UGCG: variants seen among roughly 807,000 people sequenced by gnomAD.
UGCG encodes the protein UDP-glucose ceramide glucosyltransferase.
In UGCG, 10 loss-of-function variants were observed where a neutral mutation model predicts 49.5. The ratio of observed to expected loss-of-function variants is 0.20; its 90% CI spans 0.12 to 0.34. The LOEUF is 0.34. UGCG is among the 10% of genes least tolerant of loss of function. The probability of loss-of-function intolerance (pLI) is 1.00; values close to 1 mark genes in which losing one functional copy is unlikely to be tolerated. For missense variants in UGCG, 312 were observed against 483.7 expected (o/e 0.65, Z 3.33); for synonymous variants, 182 against 158.2 (o/e 1.15, Z -1.13).
At chr9:111,901,610 C>G (rs752966839) in intron 1 of UGCG, among the ~76,000 whole-genome samples, 2 of 152,072 alleles carry the variant, frequency 1.3e-5, no homozygotes, top group Non-Finnish European at 2.9e-5. Flanking sequence ...ATGGGATGAC[C>G]TGGGCAGCAA....
chr9:111,913,399 A>G (rs952870822), intron 1 of UGCG, among the ~76,000 whole-genome samples: 1 of 149,720 alleles, frequency 6.7e-6, no homozygotes, highest in Non-Finnish European at 1.5e-5. Context: ...CAACAGCCTG[A>G]TGTTAACTGG....
Position 111,918,951 on chromosome 9 carries a change from AC to A in UGCG, c.241-3897del, listed in dbSNP as rs1447097299. ...AAAAAAAAAAACAAAAAACAAAAAA[AC>A]AAAAAAAAACACTTCAAACCTTGCA... On this transcript the variant is annotated intron_variant, in intron 2 of 8. Coordinates refer to ENST00000374279, the MANE Select transcript of UGCG (RefSeq NM_003358.3). Among the ~76,000 whole-genome samples the A allele has an allele frequency of 3.0e-3, 360 of 118,482 alleles. 2 individuals are homozygous for A. The highest frequency in any genetic ancestry group is 0.014 in the African/African-American group (345 of 25,140). The allele number at this position is 118,482 out of a possible 152,430, so 77.7% of individuals were successfully genotyped here.
intron 5 of UGCG, chr9:111,929,109 G>A (rs547393094): frequency 6.5e-6 from 1 of 153,528 alleles, no homozygotes; most frequent in East Asian, 2.0e-4. Context: ...TGGGTGGTGT[G>A]TGTATGCATG....
intron 5 of UGCG, among the ~76,000 whole-genome samples, chr9:111,927,686 C>G (rs370394241): frequency 6.6e-6 from 1 of 151,928 alleles, no homozygotes; most frequent in African/African-American, 2.4e-5. Flanking sequence ...CTCCTGACCT[C>G]GTGATCCACC....
chr9:111,918,958 A>AAC (rs1203378988), intron 2 of UGCG, among the ~76,000 whole-genome samples: 21 of 151,594 alleles, frequency 1.4e-4, no homozygotes, highest in African/African-American at 5.1e-4. Flanking sequence ...AAAACAAAAA[A>AAC]AAACACTTCA....
In UGCG at chr9:111,934,465, A is replaced by G. The variant is rs952254366; in HGVS notation, c.*1468A>G. On this transcript the variant is annotated 3_prime_UTR_variant, in exon 9 of 9. Transcript: ENST00000374279. ...ATTGGATGGCATGTTGTCCACAGGAATGCCTACTGCAGGGCTAACACTGGC... is the reference window on the plus strand; with the variant it reads ...ATTGGATGGCATGTTGTCCACAGGAGTGCCTACTGCAGGGCTAACACTGGC... 1 of 152,168 alleles carries G rather than the reference A, an allele frequency of 6.6e-6. No homozygotes were observed. Among genetic ancestry groups the G allele is most frequent in the African/African-American group, 2.4e-5 (1 of 41,434 alleles). The allele number at this position is 152,168 out of a possible 1,614,324, so 9.4% of individuals were successfully genotyped here.
chr9:111,933,150 T>TG lies in UGCG; in HGVS notation c.*154dup, dbSNP rs1314014795. 1.1e-5 allele frequency: 7 copies of TG among 614,706 alleles called. No homozygotes were observed. Among genetic ancestry groups the TG allele is most frequent in the African/African-American group, 4.3e-5 (2 of 46,636 alleles). The allele number at this position is 614,706 out of a possible 1,614,324, so 38.1% of individuals were successfully genotyped here. A position where few individuals can be genotyped will look rare whatever the true frequency, so the allele number is the denominator to read the frequency against. On this transcript the variant is annotated 3_prime_UTR_variant, in exon 9 of 9. Transcript: ENST00000374279. ...TATTTTTGCATGGCACTTGCATCTG[T>TG]GAAAAAAAAAAAAAACACATCTGTA... is the stretch of plus-strand genomic sequence containing the variant.
chr9:111,926,362 C>T, intron 4 of UGCG, 22 bp from the exon 5 acceptor site: 1 of 1,569,086 alleles, frequency 6.4e-7, no homozygotes, highest in Non-Finnish European at 8.7e-7. Context: ...CTCCCCCTCT[C>T]TGCCTTTTTT....
chr9:111,898,148 T>A (rs770560595), intron 1 of UGCG, among the ~76,000 whole-genome samples: 9 of 151,510 alleles, frequency 5.9e-5, no homozygotes, highest in Non-Finnish European at 8.8e-5. Context: ...AAAATAGAAC[T>A]GGGTGATGGC....
chr9:111,930,420 C>T (rs1469011470), intron 6 of UGCG, among the ~76,000 whole-genome samples: 2 of 151,030 alleles, frequency 1.3e-5, no homozygotes, highest in Non-Finnish European at 2.9e-5. Flanking sequence ...CTGAAAGATT[C>T]ATATGACTGA....
intron 2 of UGCG, among the ~76,000 whole-genome samples, chr9:111,921,802 A>ATTTTTGTTTTTTTTTT (rs1838226242): frequency 1.8e-5 from 1 of 55,536 alleles, no homozygotes; most frequent in Non-Finnish European, 3.2e-5. Flanking sequence ...CCCCAGGGTG[A>ATTTTTGTTTTTTTTTT]TTTTTTTTTT....
At chr9:111,907,500 T>C (rs144169242) in intron 1 of UGCG, among the ~76,000 whole-genome samples, 1 of 152,248 alleles carries the variant, frequency 6.6e-6, no homozygotes, top group Non-Finnish European at 1.5e-5. Flanking sequence ...ATTGGTATAT[T>C]TTCCTGATTC....
chr9:111,914,575 G>A, intron 1 of UGCG, 30 bp from the exon 2 acceptor site: 1 of 1,607,982 alleles, frequency 6.2e-7, no homozygotes, highest in Non-Finnish European at 8.5e-7. Context: ...GTATTCTATA[G>A]AAATAATTTT....
chr9:111,904,121 C>T (rs1375465005), intron 1 of UGCG, among the ~76,000 whole-genome samples: 3 of 152,262 alleles, frequency 2.0e-5, no homozygotes, highest in Admixed American at 6.5e-5. Flanking sequence ...CACCTGCCAC[C>T]TCTTGGCTTC....
intron 2 of UGCG, among the ~76,000 whole-genome samples, chr9:111,917,345 C>T (rs781405790): frequency 2.8e-4 from 42 of 152,228 alleles, no homozygotes; most frequent in Admixed American, 6.5e-4. Context: ...GCAAATGTTC[C>T]ACAGGAGACT....
chr9:111,932,330 T>G lies in UGCG; in HGVS notation c.985T>G (p.Phe329Val). 1 of 1,614,104 alleles carries G rather than the reference T, an allele frequency of 6.2e-7. No homozygotes were observed. The change falls in exon 8 of 9, where the codon TTT becomes GTT. Residue 329 changes from phenylalanine to valine, a missense_variant. This residue lies in a region of UGCG where 180 missense variants were observed against 320.4 expected (regional missense o/e 0.56). Coordinates refer to ENST00000374279, the MANE Select transcript of UGCG (RefSeq NM_003358.3). ...GTGTCATTGCCTGGCATGGTTTATA[T>G]TTGACTACATTCAACTCAGGGGTGT... is the stretch of plus-strand genomic sequence containing the variant. ...FMCHCLAWFI[F>V]DYIQLRGVQG...
At chr9:111,912,681 T>C (rs1241841268) in intron 1 of UGCG, among the ~76,000 whole-genome samples, 1 of 152,198 alleles carries the variant, frequency 6.6e-6, no homozygotes, top group Non-Finnish European at 1.5e-5. Flanking sequence ...ATGGCAATGT[T>C]AAATTGCTAT....
intron 6 of UGCG, among the ~76,000 whole-genome samples, chr9:111,930,185 G>A (rs977565180): frequency 6.6e-6 from 1 of 152,142 alleles, no homozygotes; most frequent in Non-Finnish European, 1.5e-5. Flanking sequence ...AATGAAGAAG[G>A]TAAATGTTCT....
rs774099538 is a variant in UGCG, at chr9:111,932,801, T to TA, written c.1015-20dup. The TA allele has an allele frequency of 2.0e-5, 30 of 1,526,224 alleles. 1 individual carries two copies. Among genetic ancestry groups the TA allele is most frequent in the Non-Finnish European group, 2.6e-5 (30 of 1,136,336 alleles). 94.5% of individuals were successfully genotyped at this position (1,526,224 alleles called of 1,614,324 possible). On this transcript the variant is annotated intron_variant, in intron 8 of 8. Transcript: ENST00000374279. ...TCTTTAGTTTGACAGTGAGTGAAAT[T>TA]AAAAAATTTTTTTTTCCATTCCTAG...
Sources: gnomAD v4.1 joint callset for allele counts (sites outside exome capture counted in the v4.1 genomes callset) on GRCh38, gnomAD v4.1.1 for gene constraint, gnomAD v4.1.1 regional missense constraint, MANE v1.5 for transcripts, NCBI Gene and HGNC (gene_info 2026-07-23, HGNC 2026-07-21) for gene names.